Variants in MUC3A observed in about 807,000 individuals in gnomAD.
MUC3A encodes the protein mucin-3A.
In MUC3A, 109 loss-of-function variants were observed where a neutral mutation model predicts 109.0. The observed-to-expected ratio is 1.00, with a 90% CI of 0.86 to 1.17. MUC3A has a LOEUF of 1.17. MUC3A is among the 50% of genes most tolerant of loss of function. MUC3A has a pLI of 0.00. For missense variants in MUC3A, 3,537 were observed against 2,469.4 expected (o/e 1.43, Z -9.16); for synonymous variants, 1,398 against 981.4 (o/e 1.42, Z -7.93).
intron 2 of MUC3A, 42 bp downstream of exon 2, chr7:100,960,687 CA>C (rs752389986): frequency 2.5e-6 from 4 of 1,592,198 alleles, no homozygotes; most frequent in Non-Finnish European, 3.4e-6. Context: ...TCCTCCCCTG[CA>C]AAATTCCTGT....
rs935370279 is a variant in MUC3A, at chr7:100,955,245, T to G, written c.3466T>G (p.Ser1156Ala). ...TTSLSTPSFTSSTIYSTVSTS... is the reference protein window; with the variant it reads ...TTSLSTPSFTASTIYSTVSTS... Reference sequence around the variant, plus strand: ...CTCCCTTAGTACCCCCAGCTTCACTTCTTCAACCATCTACTCCACAGTCAG... The same window carrying G: ...CTCCCTTAGTACCCCCAGCTTCACTGCTTCAACCATCTACTCCACAGTCAG... The change falls in exon 2 of 12, where the codon TCT becomes GCT. Residue 1156 changes from serine to alanine, a missense_variant. Physicochemically the swap from Ser to Ala is moderately conservative, Grantham distance 99. Transcript: ENST00000379458. The G allele has an allele frequency of 5.7e-6, 4 of 707,736 alleles. No individual in the cohort carries two copies. In the Admixed American group the frequency reaches 5.7e-5, roughly 10 times the overall value. The allele number at this position is 707,736 out of a possible 1,614,324, so 43.8% of individuals were successfully genotyped here.
chr7:100,965,262 C>A lies in MUC3A; in HGVS notation c.9383-20C>A. ...CCTTGATCTGCCCCGCCCATTCCATCTGTGCCTGTGTTTCCGCAGCCCTGT... is the reference window on the plus strand; with the variant it reads ...CCTTGATCTGCCCCGCCCATTCCATATGTGCCTGTGTTTCCGCAGCCCTGT... On this transcript the variant is annotated intron_variant, in intron 6 of 11. Transcript: ENST00000379458. The A allele has an allele frequency of 1.3e-6, 2 of 1,598,396 alleles. No individual in the cohort carries two copies. The highest frequency in any genetic ancestry group is 1.7e-6 in the Non-Finnish European group (2 of 1,179,418).
intron 5 of MUC3A, 153 bp from the exon 6 acceptor site, chr7:100,964,542 C>T (rs1458590019): frequency 3.1e-6 from 4 of 1,281,046 alleles, no homozygotes; most frequent in South Asian, 1.7e-5. Flanking sequence ...GGAATGCTGG[C>T]AGCCCCTTCT....
rs1019953739 is a variant in MUC3A, at chr7:100,957,179, T to A, written c.5400T>A (p.Ser1800=). Residue 1800 remains serine, a synonymous_variant, in exon 2 of 12, where the codon TCT becomes TCA. Coordinates refer to ENST00000379458, the MANE Select transcript of MUC3A (RefSeq NM_005960.2). ...LPSFTSSVSS[S]TPVPSTEAIT... Reference sequence around the variant, plus strand: ...CATTTACCAGTAGCGTTTCATCTTCTACGCCTGTCCCAAGTACAGAAGCGA... The same window carrying A: ...CATTTACCAGTAGCGTTTCATCTTCAACGCCTGTCCCAAGTACAGAAGCGA... 6.5e-6 allele frequency: 3 copies of A among 459,296 alleles called. No individual in the cohort carries two copies. Among genetic ancestry groups the A allele is most frequent in the Non-Finnish European group, 1.1e-5 (3 of 263,700 alleles). 28.5% of individuals were successfully genotyped at this position (459,296 alleles called of 1,614,324 possible). A position where few individuals can be genotyped will look rare whatever the true frequency, so the allele number is the denominator to read the frequency against.
In MUC3A at chr7:100,958,204, C is replaced by T; in HGVS notation, c.6425C>T (p.Pro2142Leu). The change falls in exon 2 of 12, where the codon CCC becomes CTC. Residue 2142 changes from proline to leucine, a missense_variant. Physicochemically the swap from Pro to Leu is moderately conservative, Grantham distance 98 (BLOSUM62 -3). Coordinates refer to ENST00000379458, the MANE Select transcript of MUC3A (RefSeq NM_005960.2). ...TTTENATHST[P>L]NFTSSITTTE... ...ACTGAGAACGCCACACACAGTACTCCCAACTTCACTTCTTCAATCACCACC... is the reference window on the plus strand; with the variant it reads ...ACTGAGAACGCCACACACAGTACTCTCAACTTCACTTCTTCAATCACCACC... 6 of 844,862 alleles carry T rather than the reference C, an allele frequency of 7.1e-6. No homozygotes were observed. The highest frequency in any genetic ancestry group is 6.8e-5 in the South Asian group (5 of 73,140). The allele number at this position is 844,862 out of a possible 1,614,324, so 52.3% of individuals were successfully genotyped here. A position where few individuals can be genotyped will look rare whatever the true frequency, so the allele number is the denominator to read the frequency against.
intron 7 of MUC3A, 146 bp downstream of exon 7, chr7:100,965,493 T>A: frequency 6.9e-7 from 1 of 1,445,370 alleles, no homozygotes; most frequent in Non-Finnish European, 9.3e-7. Context: ...TGGCGCTGGT[T>A]AGTGGCTTCC....
At position 100,963,137 on chromosome 7, in the gene MUC3A, C is replaced by A. The variant is rs1309769059; in HGVS notation, c.9053-14C>A. The A allele has an allele frequency of 5.0e-6, 8 of 1,597,264 alleles. No individual in the cohort carries two copies. Among genetic ancestry groups the A allele is most frequent in the Non-Finnish European group, 6.8e-6 (8 of 1,179,358 alleles). ...AGACAGAGAAGTGACTGGGGACATG[C>A]ATGCTCTGTGTAGATGTAGTGGAGA... On this transcript the variant is annotated splice_polypyrimidine_tract_variant and intron_variant, in intron 3 of 11. Transcript: ENST00000379458.
chr7:100,962,358 C>A (rs1209531756), intron 3 of MUC3A, among the ~76,000 whole-genome samples: 1 of 152,288 alleles, frequency 6.6e-6, no homozygotes, highest in East Asian at 1.9e-4. Context: ...TTCAAGGCTG[C>A]AGTGAGCTAT....
At position 100,952,272 on chromosome 7, in the gene MUC3A, A is replaced by C. The variant is rs1275990171; in HGVS notation, c.493A>C (p.Lys165Gln). 1 of 1,598,500 alleles carries C rather than the reference A, an allele frequency of 6.3e-7. No individual in the cohort carries two copies. The highest frequency in any genetic ancestry group is 2.2e-5 in the East Asian group (1 of 44,886). ...TTACACCTCGACTCCCGTGACACAG[A>C]AGCCAGTGACCACCGTCACCAGTAC... ...SSYTSTPVTQKPVTTVTSTYS... is the reference protein window; with the variant it reads ...SSYTSTPVTQQPVTTVTSTYS... The change falls in exon 2 of 12, where the codon AAG becomes CAG. Residue 165 changes from lysine (K) to glutamine (Q), a missense_variant. Physicochemically the swap from Lys to Gln is moderately conservative, Grantham distance 53. Transcript: ENST00000379458.
At position 100,965,871 on chromosome 7, in the gene MUC3A, G is replaced by C; in HGVS notation, c.9611+5G>C. ...GACGAGCGGTCCCACGTGTCGGTAA[G>C]GCCCCGCTCACCATCGGCATCAGCC... is the stretch of plus-strand genomic sequence containing the variant. On this transcript the variant is annotated splice_donor_5th_base_variant and intron_variant, in intron 8 of 11. Coordinates refer to ENST00000379458, the MANE Select transcript of MUC3A (RefSeq NM_005960.2). 4 of 1,589,676 alleles carry C rather than the reference G, an allele frequency of 2.5e-6. No homozygotes were observed. The highest frequency in any genetic ancestry group is 3.4e-6 in the Non-Finnish European group (4 of 1,173,914).
At chr7:100,963,539 C>T in intron 4 of MUC3A, 149 bp from the exon 5 acceptor site, 3 of 1,233,702 alleles carry the variant, frequency 2.4e-6, no homozygotes, top group Non-Finnish European at 3.4e-6. Context: ...CCTGCCTCGT[C>T]CTCCCAAAGT....
chr7:100,954,451 G>C lies in MUC3A; in HGVS notation c.2672G>C (p.Ser891Thr), dbSNP rs1380627515. ...CCCAGTGGAGGACCAACTTTCACAA[G>C]TACTGAGAACACTCCAACAAGGTCC... ...TTPSGGPTFT[S>T]TENTPTRSLL... The change falls in exon 2 of 12, where the codon AGT becomes ACT. Residue 891 changes from serine (S) to threonine (T), a missense_variant. Coordinates refer to ENST00000379458, the MANE Select transcript of MUC3A (RefSeq NM_005960.2). 1.2e-5 allele frequency: 5 copies of C among 404,898 alleles called. No homozygotes were observed. The highest frequency in any genetic ancestry group is 2.2e-5 in the Non-Finnish European group (5 of 230,732). The allele number at this position is 404,898 out of a possible 1,614,324, so 25.1% of individuals were successfully genotyped here. A position where few individuals can be genotyped will look rare whatever the true frequency, so the allele number is the denominator to read the frequency against.
chr7:100,964,583 G>A (rs1293851159), intron 5 of MUC3A, 112 bp from the exon 6 acceptor site: 203 of 1,443,546 alleles, frequency 1.4e-4, no homozygotes, highest in South Asian at 6.0e-5. Context: ...CCCAACTCAT[G>A]ACCTCTGCTC....
intron 1 of MUC3A, among the ~76,000 whole-genome samples, chr7:100,951,100 C>G (rs984249942): frequency 1.3e-5 from 2 of 152,214 alleles, no homozygotes; most frequent in Admixed American, 6.5e-5. Flanking sequence ...GCCTCTGCTT[C>G]CTGGGTTCAA....
chr7:100,953,180 C>G lies in MUC3A; in HGVS notation c.1401C>G (p.Asp467Glu). 1.6e-6 allele frequency: 1 copy of G among 614,758 alleles called. No homozygotes were observed. 38.1% of individuals were successfully genotyped at this position (614,758 alleles called of 1,614,324 possible). A position where few individuals can be genotyped will look rare whatever the true frequency, so the allele number is the denominator to read the frequency against. ...CCGGTTTCCTGACTACAGCAACAGA[C>G]CTCACATCAACATTCACGGTTTCCA... ...GSTGFLTTAT[D>E]LTSTFTVSSS... The change falls in exon 2 of 12, where the codon GAC (aspartate) becomes GAG (glutamate). Residue 467 changes from aspartate to glutamate, a missense_variant. Asp to Glu is a conservative substitution (Grantham distance 45). Transcript: ENST00000379458.
chr7:100,967,296 TC>T lies in MUC3A; in HGVS notation c.*139del. On this transcript the variant is annotated 3_prime_UTR_variant, in exon 12 of 12. Coordinates refer to ENST00000379458, the MANE Select transcript of MUC3A (RefSeq NM_005960.2). ...CTGTTCTTGGGCAAGATGAGACTGT[TC>T]CCCCAAATCCCATCCTTCTCCTTCC... The T allele has an allele frequency of 7.3e-7, 1 of 1,378,298 alleles. No individual in the cohort carries two copies. 85.4% of individuals were successfully genotyped at this position (1,378,298 alleles called of 1,614,324 possible).
rs1342565001 is a variant in MUC3A, at chr7:100,952,280, G to C, written c.501G>C (p.Val167=). 5 of 1,598,384 alleles carry C rather than the reference G, an allele frequency of 3.1e-6. No homozygotes were observed. Among genetic ancestry groups the C allele is most frequent in the Non-Finnish European group, 4.2e-6 (5 of 1,179,768 alleles). ...YTSTPVTQKP[V]TTVTSTYSMT... Reference sequence around the variant, plus strand: ...CGACTCCCGTGACACAGAAGCCAGTGACCACCGTCACCAGTACTTACTCTA... The same window carrying C: ...CGACTCCCGTGACACAGAAGCCAGTCACCACCGTCACCAGTACTTACTCTA... The change falls in exon 2 of 12, where the codon GTG becomes GTC. Residue 167 remains valine, a synonymous_variant. Coordinates refer to ENST00000379458, the MANE Select transcript of MUC3A (RefSeq NM_005960.2).
rs768577969 is a variant in MUC3A at position 100,958,876 on chromosome 7, A to G, written c.7097A>G (p.Glu2366Gly). Residue 2366 changes from glutamate (E) to glycine (G), a missense_variant, in exon 2 of 12, where the codon GAG becomes GGG. Glu to Gly is a moderately conservative substitution (Grantham distance 98, BLOSUM62 -2). Transcript: ENST00000379458. ...TSFTSSITTTETTSHSTPSFS... is the reference protein window; with the variant it reads ...TSFTSSITTTGTTSHSTPSFS... ...TTCACTTCTTCGATCACCACCACCGAGACCACCTCACACAGTACTCCCAGC... is the reference window on the plus strand; with the variant it reads ...TTCACTTCTTCGATCACCACCACCGGGACCACCTCACACAGTACTCCCAGC... The G allele has an allele frequency of 3.1e-6, 5 of 1,593,940 alleles. No individual in the cohort carries two copies. The highest frequency in any genetic ancestry group is 3.4e-6 in the Non-Finnish European group (4 of 1,176,958).
At position 100,968,050 on chromosome 7, in the gene MUC3A, C is replaced by T. The variant is rs1056243993; in HGVS notation, c.*888C>T. 502 of 153,716 alleles carry T rather than the reference C, an allele frequency of 3.3e-3. 1 individual carries two copies. Among genetic ancestry groups the T allele is most frequent in the Admixed American group, 5.9e-3 (90 of 15,268 alleles). 9.5% of individuals were successfully genotyped at this position (153,716 alleles called of 1,614,324 possible). On this transcript the variant is annotated 3_prime_UTR_variant, in exon 12 of 12. Transcript: ENST00000379458. ...ACCCCTTTCTCTCACCCCTGGAGCCCTGCGGGTGGGGGCAGGGCATGAGTT... is the reference window on the plus strand; with the variant it reads ...ACCCCTTTCTCTCACCCCTGGAGCCTTGCGGGTGGGGGCAGGGCATGAGTT...
Sources: allele counts gnomAD v4.1 joint callset (sites outside exome capture counted in the v4.1 genomes callset), GRCh38; gene constraint gnomAD v4.1.1; transcripts MANE v1.5; gene names NCBI Gene and HGNC (gene_info 2026-07-23, HGNC 2026-07-21).